PDE1C: variants seen among roughly 807,000 people sequenced by gnomAD.
PDE1C encodes the protein phosphodiesterase 1C, also known as dual specificity calcium/calmodulin-dependent 3',5'-cyclic nucleotide phosphodiesterase 1C.
A neutral mutation model predicts 93.1 loss-of-function variants in PDE1C; 62 were observed. That is an observed-to-expected ratio of 0.67 (90% CI 0.54 to 0.82). The LOEUF (loss-of-function observed/expected upper bound fraction) is 0.82, where lower values mean the gene tolerates loss of function less well. Among genes scored for constraint, PDE1C ranks in the 40% least tolerant of loss-of-function variants. The probability of loss-of-function intolerance (pLI) is 0.00; values close to 1 mark genes in which losing one functional copy is unlikely to be tolerated. For missense variants in PDE1C, 742 were observed against 884.6 expected (o/e 0.84, Z 2.04); for synonymous variants, 325 against 310.1 (o/e 1.05, Z -0.50).
At chr7:32,338,420 A>C (rs867619427) in intron 1 of PDE1C, among the ~76,000 whole-genome samples, 1 of 152,216 alleles carries the variant, frequency 6.6e-6, no homozygotes, top group South Asian at 2.1e-4. Flanking sequence ...CCCCAATAAG[A>C]TATCACTACA....
At chr7:31,670,340 T>C in the PDE1C span, among the ~76,000 whole-genome samples, 4 of 152,192 alleles carry the variant, frequency 2.6e-5, no homozygotes, top group Admixed American at 6.5e-5. Flanking sequence ...GACTTTCAAA[T>C]TGGAGTTGCT....
chr7:32,115,293 AAAG>A (rs1334748752), intron 3 of PDE1C, among the ~76,000 whole-genome samples: 1 of 152,232 alleles, frequency 6.6e-6, no homozygotes, highest in Non-Finnish European at 1.5e-5. Flanking sequence ...AGCCATAAAA[AAAG>A]AATGAGATTA....
At chr7:31,685,692 C>T in the PDE1C span, among the ~76,000 whole-genome samples, 3,461 of 152,232 alleles carry the variant, frequency 0.023, 129 homozygotes, top group African/African-American at 0.079. Flanking sequence ...ACGTCCTGCA[C>T]ATGTGTCCCA....
intron 2 of PDE1C, among the ~76,000 whole-genome samples, chr7:31,932,907 T>A (rs762263991): frequency 6.6e-6 from 1 of 152,162 alleles, no homozygotes; most frequent in Non-Finnish European, 1.5e-5. Flanking sequence ...GAGTTCATGT[T>A]CTTTGCAAGG....
chr7:32,034,043 A>G (rs527476555), intron 2 of PDE1C, among the ~76,000 whole-genome samples: 3 of 128,020 alleles, frequency 2.3e-5, no homozygotes, highest in South Asian at 5.3e-4. Context: ...CAGTGGTAGT[A>G]AGATGAGAGA....
intron 14 of PDE1C, among the ~76,000 whole-genome samples, chr7:31,816,468 G>A (rs1024818188): frequency 6.6e-6 from 1 of 152,058 alleles, no homozygotes; most frequent in Non-Finnish European, 1.5e-5. Flanking sequence ...TGTTCGCTCT[G>A]CCAAGTATTA....
intron 3 of PDE1C, among the ~76,000 whole-genome samples, chr7:32,126,813 C>A (rs1799607253): frequency 6.6e-6 from 1 of 151,990 alleles, no homozygotes; most frequent in South Asian, 2.1e-4. Flanking sequence ...AGTACAATGG[C>A]TGAATTAAAA....
the PDE1C span, among the ~76,000 whole-genome samples, chr7:31,729,497 T>C: frequency 2.6e-5 from 4 of 152,258 alleles, no homozygotes; most frequent in African/African-American, 9.6e-5. Context: ...TTTACCTTTT[T>C]AAATTTAACA....
intron 3 of PDE1C, among the ~76,000 whole-genome samples, chr7:32,089,385 G>T (rs1037984381): frequency 1.3e-5 from 2 of 152,200 alleles, no homozygotes; most frequent in African/African-American, 4.8e-5. Flanking sequence ...GTATTTTGGT[G>T]TGAGTTGAGA....
chr7:32,210,679 A>G (rs79489275), intron 1 of PDE1C, among the ~76,000 whole-genome samples: 5,189 of 152,068 alleles, frequency 0.034, 314 homozygotes, highest in African/African-American at 0.12. Context: ...CACCATCTAC[A>G]CTCTATTACT....
chr7:31,830,823 G>T (rs1294915405), intron 11 of PDE1C, among the ~76,000 whole-genome samples: 1 of 152,138 alleles, frequency 6.6e-6, no homozygotes, highest in Non-Finnish European at 1.5e-5. Context: ...CAAGCACTTT[G>T]GAAGCAAGGT....
chr7:32,212,025 CAAAAAAAAA>C (rs35827566), intron 1 of PDE1C, among the ~76,000 whole-genome samples: 2 of 81,266 alleles, frequency 2.5e-5, no homozygotes, highest in African/African-American at 9.0e-5. Context: ...GAACCTATCT[CAAAAAAAAA>C]AAAAAAAAAA....
At chr7:32,112,802 ATATGTG>A (rs1268540872) in intron 3 of PDE1C, among the ~76,000 whole-genome samples, 7,436 of 95,824 alleles carry the variant, frequency 0.078, 314 homozygotes, top group Non-Finnish European at 0.11. Context: ...ATATATACAT[ATATGTG>A]TGTGTGTGTG....
At chr7:31,894,392 G>A (rs909238367) in intron 2 of PDE1C, among the ~76,000 whole-genome samples, 1 of 152,184 alleles carries the variant, frequency 6.6e-6, no homozygotes, top group Non-Finnish European at 1.5e-5. Flanking sequence ...CATGAAGTCT[G>A]AAAAATGGCT....
intron 15 of PDE1C, among the ~76,000 whole-genome samples, chr7:31,811,996 A>G (rs3807616): frequency 0.23 from 35,405 of 152,104 alleles, 4,255 homozygotes; most frequent in Middle Eastern, 0.39. Context: ...AAATCCATTA[A>G]GTAATTTCCC....
chr7:32,318,645 G>A (rs1783222174), intron 1 of PDE1C, among the ~76,000 whole-genome samples: 1 of 152,226 alleles, frequency 6.6e-6, no homozygotes, highest in South Asian at 2.1e-4. Context: ...TCACCAGGAC[G>A]CAGGTGCCTC....
At chr7:31,874,379 C>T (rs1016017573) in intron 5 of PDE1C, among the ~76,000 whole-genome samples, 2 of 152,158 alleles carry the variant, frequency 1.3e-5, no homozygotes, top group East Asian at 1.9e-4. Context: ...TCTCACTTCC[C>T]GTGGTTAGGT....
At chr7:32,143,706 CT>C (rs1800663729) in intron 3 of PDE1C, among the ~76,000 whole-genome samples, 1 of 152,142 alleles carries the variant, frequency 6.6e-6, no homozygotes, top group Admixed American at 6.5e-5. Context: ...TACTTTTTCT[CT>C]TTTATTTTCT....
intron 17 of PDE1C, among the ~76,000 whole-genome samples, chr7:31,753,979 C>G (rs1274637110): frequency 6.6e-6 from 1 of 152,060 alleles, no homozygotes. Context: ...CTTAAAAGTG[C>G]ATCATTAAGA....
Sources: allele counts gnomAD v4.1 joint callset (sites outside exome capture counted in the v4.1 genomes callset), GRCh38; gene constraint gnomAD v4.1.1; transcripts MANE v1.5; gene names NCBI Gene and HGNC (gene_info 2026-07-23, HGNC 2026-07-21).